The following PTBP3 variants were observed in gnomAD, a reference collection of about 807,000 sequenced individuals.
The protein encoded by PTBP3 is polypyrimidine tract-binding protein 3.
In PTBP3, 20 loss-of-function variants were observed where a neutral mutation model predicts 58.7. That is an observed-to-expected ratio of 0.34 (90% CI 0.24 to 0.50). PTBP3 has a LOEUF of 0.50. Among genes scored for constraint, PTBP3 ranks in the 20% least tolerant of loss-of-function variants. The pLI, the probability that PTBP3 is intolerant of heterozygous loss-of-function variation, is 0.98. For synonymous variants in PTBP3, 185 were observed against 219.8 expected (o/e 0.84, Z 1.40); for missense variants, 509 against 637.2 (o/e 0.80, Z 2.17).
Position 112,276,373 on chromosome 9 carries a change from A to G in PTBP3, c.35-360T>C, listed in dbSNP as rs189967702. 3.1e-3 allele frequency among the ~76,000 whole-genome samples: 472 copies of G among 152,344 alleles called. 1 individual carries two copies. Among genetic ancestry groups the G allele is most frequent in the Non-Finnish European group, 5.8e-3 (396 of 68,026 alleles). ...ATGATGCCTTTAATGTATTTTAAGGACATTTTTCTAATTTAGTCTATTGCT... is the reference window on the plus strand; with the variant it reads ...ATGATGCCTTTAATGTATTTTAAGGGCATTTTTCTAATTTAGTCTATTGCT... On this transcript the variant is annotated intron_variant, in intron 2 of 13. Transcript: ENST00000374257.
At chr9:112,226,975 G>T (rs1405730625) in intron 12 of PTBP3, among the ~76,000 whole-genome samples, 1 of 152,188 alleles carries the variant, frequency 6.6e-6, no homozygotes, top group African/African-American at 2.4e-5. Context: ...TAGCTTTTAA[G>T]TAATTACCAT....
At chr9:112,283,168 T>A (rs1157916044) in intron 2 of PTBP3, among the ~76,000 whole-genome samples, 1 of 152,218 alleles carries the variant, frequency 6.6e-6, no homozygotes, top group African/African-American at 2.4e-5. Flanking sequence ...AACAGACTAA[T>A]ACAGTAAATT....
At chr9:112,368,826 G>T in the PTBP3 span, among the ~76,000 whole-genome samples, 1 of 152,200 alleles carries the variant, frequency 6.6e-6, no homozygotes, top group Non-Finnish European at 1.5e-5. Context: ...CATGTCAGAG[G>T]TCTTCACGGC....
intron 7 of PTBP3, among the ~76,000 whole-genome samples, chr9:112,250,612 C>T (rs1836071023): frequency 6.6e-6 from 1 of 152,032 alleles, no homozygotes; most frequent in Admixed American, 6.6e-5. Context: ...ATTATTATGG[C>T]TATAAACTAG....
At chr9:112,338,132 G>A (rs1476835982), upstream of PTBP3, among the ~76,000 whole-genome samples, 1 of 152,206 alleles carries the variant, frequency 6.6e-6, no homozygotes, top group Non-Finnish European at 1.5e-5. Flanking sequence ...ATGGAGAACA[G>A]ATTAGTGGTT....
intron 7 of PTBP3, among the ~76,000 whole-genome samples, chr9:112,243,557 C>T (rs1835748337): frequency 6.6e-6 from 1 of 151,240 alleles, no homozygotes; most frequent in African/African-American, 2.4e-5. Context: ...ATAAAAAAAG[C>T]CCCAGGGATT....
chr9:112,371,646 A>ATTTTTTTT, the PTBP3 span, among the ~76,000 whole-genome samples: 499 of 127,512 alleles, frequency 3.9e-3, 6 homozygotes, highest in African/African-American at 0.015. Flanking sequence ...TTTTTAGTAG[A>ATTTTTTTT]TTTTTTTTTT....
the PTBP3 span, among the ~76,000 whole-genome samples, chr9:112,376,798 G>A: frequency 1.3e-4 from 19 of 151,978 alleles, no homozygotes; most frequent in African/African-American, 4.4e-4. Flanking sequence ...ATTAAGGGTG[G>A]GTCTGCCCTT....
At chr9:112,243,620 T>C (rs1280264966) in intron 7 of PTBP3, among the ~76,000 whole-genome samples, 1 of 152,218 alleles carries the variant, frequency 6.6e-6, no homozygotes, top group Non-Finnish European at 1.5e-5. Flanking sequence ...CTATGTGTAC[T>C]GAAATGTAAA....
chr9:112,256,302 TATATA>T (rs1836358567), intron 5 of PTBP3, among the ~76,000 whole-genome samples: 1 of 62,880 alleles, frequency 1.6e-5, no homozygotes, highest in Admixed American at 1.4e-4. Flanking sequence ...TACATATATA[TATATA>T]TATTTATCTA....
At chr9:112,250,418 T>C (rs1836061596) in intron 7 of PTBP3, among the ~76,000 whole-genome samples, 1 of 152,152 alleles carries the variant, frequency 6.6e-6, no homozygotes, top group Admixed American at 6.6e-5. Flanking sequence ...AGGCTGTATT[T>C]TTACTAATGC....
At position 112,315,553 on chromosome 9, in the gene PTBP3, G is replaced by A. The variant is rs182740141; in HGVS notation, c.-51-17637C>T. Among the ~76,000 whole-genome samples, 618 of 152,150 alleles carry A rather than the reference G, an allele frequency of 4.1e-3. 4 individuals are homozygous for A. Among genetic ancestry groups the A allele is most frequent in the African/African-American group, 0.014 (586 of 41,496 alleles). On this transcript the variant is annotated intron_variant, in intron 1 of 13. Coordinates refer to ENST00000374257, the MANE Select transcript of PTBP3 (RefSeq NM_001163788.4). ...CAAGGCTGTAGTGAGCTATGATAGC[G>A]CCACTGTACTTCAGCCTGGGTGACA...
intron 3 of PTBP3, among the ~76,000 whole-genome samples, chr9:112,273,145 T>G (rs1376429853): frequency 6.6e-6 from 1 of 152,214 alleles, no homozygotes; most frequent in Non-Finnish European, 1.5e-5. Flanking sequence ...GTTAGCCATG[T>G]GACAGTGGAT....
intron 4 of PTBP3, among the ~76,000 whole-genome samples, chr9:112,264,566 ATCTATCAGCTTT>A (rs1836722021): frequency 6.6e-6 from 1 of 152,252 alleles, no homozygotes; most frequent in Non-Finnish European, 1.5e-5. Context: ...TGAAACACTC[ATCTATCAGCTTT>A]CTGGGAATGT....
intron 1 of PTBP3, chr9:112,330,490 A>G (rs753331211): frequency 6.6e-7 from 1 of 1,505,978 alleles, no homozygotes; most frequent in South Asian, 1.2e-5. Flanking sequence ...TGGAAAAAGT[A>G]AAAAGAGAAA....
chr9:112,333,284 G>C (rs1041019474), intron 1 of PTBP3, among the ~76,000 whole-genome samples, 186 bp downstream of exon 1: 27 of 152,058 alleles, frequency 1.8e-4, no homozygotes, highest in Non-Finnish European at 7.4e-5. Context: ...TGCGGCGGAC[G>C]GCAACTCCGC....
chr9:112,250,728 T>A (rs1836076913), intron 7 of PTBP3, among the ~76,000 whole-genome samples: 1 of 152,212 alleles, frequency 6.6e-6, no homozygotes, highest in Non-Finnish European at 1.5e-5. Flanking sequence ...TAACTCAATT[T>A]CAGATATTCA....
At chr9:112,340,885 A>AAAAT in the PTBP3 span, among the ~76,000 whole-genome samples, 70,639 of 148,958 alleles carry the variant, frequency 0.47, 17,292 homozygotes, top group African/African-American at 0.56. Flanking sequence ...TCAAAAAAAA[A>AAAAT]AAATAAATAA....
chr9:112,224,254 C>G, intron 12 of PTBP3, 44 bp from the exon 13 acceptor site: 1 of 1,205,546 alleles, frequency 8.3e-7, no homozygotes, highest in Non-Finnish European at 1.2e-6. Flanking sequence ...GCCGCATTCT[C>G]AAGTGAAGCA....
Sources: allele counts gnomAD v4.1 joint callset (sites outside exome capture counted in the v4.1 genomes callset), GRCh38; gene constraint gnomAD v4.1.1; transcripts MANE v1.5; gene names NCBI Gene and HGNC (gene_info 2026-07-23, HGNC 2026-07-21).